Variants in PJA2 observed in about 807,000 individuals in gnomAD.
PJA2 encodes the protein praja ring finger ubiquitin ligase 2, also known as E3 ubiquitin-protein ligase Praja-2.
Under a neutral mutation model 69.3 loss-of-function variants are expected in PJA2, and 25 were observed. The ratio of observed to expected loss-of-function variants is 0.36; its 90% CI spans 0.26 to 0.50. PJA2 has a LOEUF of 0.50. Among genes scored for constraint, PJA2 ranks in the 20% least tolerant of loss-of-function variants. The pLI, the probability that PJA2 is intolerant of heterozygous loss-of-function variation, is 0.96. For missense variants in PJA2, 809 were observed against 830.2 expected, an observed-to-expected ratio of 0.97 and a Z score of 0.31; for synonymous variants, 308 against 277.8, an observed-to-expected ratio of 1.11 and a Z score of -1.08.
chr5:109,404,889 G>C (rs1194315671), intron 1 of PJA2, among the ~76,000 whole-genome samples: 1 of 152,220 alleles, frequency 6.6e-6, no homozygotes, highest in African/African-American at 2.4e-5. Flanking sequence ...ATCAGGAACA[G>C]AGAAGGATAT....
rs75934186 is a variant in PJA2, at chr5:109,360,730, G to A, written c.1652+2110C>T. Among the ~76,000 whole-genome samples, 46 of 152,098 alleles carry A rather than the reference G, an allele frequency of 3.0e-4. No individual in the cohort carries two copies. In the East Asian group the frequency reaches 7.5e-3, roughly 25 times the overall value. ...AACTATTTGAAGCTCTGGACATTTC[G>A]GGACCACTAGTAAGGTTTCTAAAAC... On this transcript the variant is annotated intron_variant, in intron 6 of 9. Coordinates refer to ENST00000361189, the MANE Select transcript of PJA2 (RefSeq NM_014819.5).
At chr5:109,379,421 T>C (rs914586775) in intron 3 of PJA2, among the ~76,000 whole-genome samples, 167 bp from the exon 4 acceptor site, 1 of 152,234 alleles carries the variant, frequency 6.6e-6, no homozygotes, top group Non-Finnish European at 1.5e-5. Context: ...TGCAGACTGA[T>C]TACTCTATGA....
At position 109,337,285 on chromosome 5, in the gene PJA2, A is replaced by T; in HGVS notation, c.2073T>A (p.Ser691=). The T allele has an allele frequency of 6.2e-7, 1 of 1,613,866 alleles. No homozygotes were observed. The highest frequency in any genetic ancestry group is 8.5e-7 in the Non-Finnish European group (1 of 1,179,946). ...AAGGTGGGGCATCAGGATCAGGCTCAGAGGAAGGAGCTGCAGATGCTTCAA... is the reference window on the plus strand; with the variant it reads ...AAGGTGGGGCATCAGGATCAGGCTCTGAGGAAGGAGCTGCAGATGCTTCAA... ...AVIEASAAPS[S]EPDPDAPPSN... is the part of the protein sequence containing the mutation. Residue 691 remains serine, a synonymous_variant, in exon 10 of 10, where the codon TCT becomes TCA. Transcript: ENST00000361189.
intron 1 of PJA2, among the ~76,000 whole-genome samples, chr5:109,385,420 T>G (rs1424736718): frequency 5.9e-5 from 9 of 152,202 alleles, no homozygotes; most frequent in Admixed American, 3.9e-4. Context: ...GACTCCAGGT[T>G]TTACAGGCTG....
rs147032810 is a variant in PJA2 at position 109,369,830 on chromosome 5, C to T, written c.1284-1084G>A. On this transcript the variant is annotated intron_variant, in intron 4 of 9. Coordinates refer to ENST00000361189, the MANE Select transcript of PJA2 (RefSeq NM_014819.5). ...GGCAGATCACCTGAGGTCGGGAGTT[C>T]GAGAGCAGCCTGACCAACATAGAGA... 7.1e-3 allele frequency among the ~76,000 whole-genome samples: 1,083 copies of T among 152,122 alleles called. 11 individuals are homozygous for T. Among genetic ancestry groups the T allele is most frequent in the African/African-American group, 0.024 (1,001 of 41,506 alleles).
At chr5:109,374,889 T>C (rs1283363041) in intron 4 of PJA2, among the ~76,000 whole-genome samples, 1 of 152,148 alleles carries the variant, frequency 6.6e-6, no homozygotes, top group East Asian at 1.9e-4. Flanking sequence ...CCTCAAACAG[T>C]TACTAAACTT....
chr5:109,402,937 A>C (rs1747585321), intron 1 of PJA2, among the ~76,000 whole-genome samples: 1 of 152,116 alleles, frequency 6.6e-6, no homozygotes, highest in Non-Finnish European at 1.5e-5. Flanking sequence ...TTGGAAGGAA[A>C]AGAAAAAAGG....
chr5:109,375,104 T>C (rs1228041071), intron 4 of PJA2, among the ~76,000 whole-genome samples: 1 of 152,226 alleles, frequency 6.6e-6, no homozygotes, highest in Non-Finnish European at 1.5e-5. Flanking sequence ...TGTGATTAAA[T>C]GATCATTTAG....
At chr5:109,350,577 T>C (rs887586955) in intron 7 of PJA2, among the ~76,000 whole-genome samples, 3 of 152,204 alleles carry the variant, frequency 2.0e-5, no homozygotes, top group East Asian at 1.9e-4. Context: ...TATATGAATA[T>C]ACTATTTACT....
intron 7 of PJA2, among the ~76,000 whole-genome samples, chr5:109,351,789 T>C (rs544153191): frequency 9.0e-4 from 137 of 152,246 alleles, no homozygotes; most frequent in South Asian, 4.1e-3. Context: ...CAAAAAGTTA[T>C]AGGGCTGCTT....
intron 1 of PJA2, among the ~76,000 whole-genome samples, chr5:109,384,396 A>G (rs1747115495): frequency 6.6e-6 from 1 of 152,260 alleles, no homozygotes; most frequent in Non-Finnish European, 1.5e-5. Flanking sequence ...ACTACAATTT[A>G]TCATGGAACA....
chr5:109,398,398 T>TG (rs1418125080), intron 1 of PJA2, among the ~76,000 whole-genome samples: 6 of 152,074 alleles, frequency 3.9e-5, no homozygotes, highest in Non-Finnish European at 8.8e-5. Flanking sequence ...AATGATAGAC[T>TG]GGATTAAGAA....
intron 5 of PJA2, 92 bp from the exon 6 acceptor site, chr5:109,363,114 T>A: frequency 9.1e-7 from 1 of 1,100,868 alleles, no homozygotes; most frequent in Non-Finnish European, 1.3e-6. Context: ...GTGGATTCTG[T>A]TGAGTTCTAA....
intron 7 of PJA2, among the ~76,000 whole-genome samples, chr5:109,349,540 C>A (rs1465174867): frequency 8.5e-5 from 13 of 152,184 alleles, no homozygotes. Context: ...TTCTGCAGTA[C>A]AGCACTTCCA....
intron 7 of PJA2, among the ~76,000 whole-genome samples, chr5:109,352,485 C>T (rs1762269875): frequency 1.3e-5 from 2 of 152,052 alleles, no homozygotes; most frequent in Admixed American, 1.3e-4. Flanking sequence ...TGCAAGTTAC[C>T]ATGCTATACC....
At chr5:109,369,035 C>A (rs897359763) in intron 4 of PJA2, among the ~76,000 whole-genome samples, 1 of 152,094 alleles carries the variant, frequency 6.6e-6, no homozygotes, top group Non-Finnish European at 1.5e-5. Context: ...TTTCTTACAC[C>A]TGCTCCTGCC....
At chr5:109,379,394 T>G (rs115797982) in intron 3 of PJA2, 140 bp from the exon 4 acceptor site, 7,556 of 656,878 alleles carry the variant, frequency 0.012, 76 homozygotes, top group Non-Finnish European at 0.014. Context: ...AGCACTTCTA[T>G]GCTCCTTAAC....
At chr5:109,397,820 G>A (rs1237866102) in intron 1 of PJA2, among the ~76,000 whole-genome samples, 7 of 152,050 alleles carry the variant, frequency 4.6e-5, no homozygotes, top group Admixed American at 2.0e-4. Flanking sequence ...CACGGTGAAC[G>A]GCCAACAACA....
At chr5:109,367,573 C>CA (rs56081115) in intron 5 of PJA2, among the ~76,000 whole-genome samples, 152,297 of 152,298 alleles carry the variant, frequency 1, 76,148 homozygotes, top group Non-Finnish European at 1. Context: ...GCAACAGATG[C>CA]AAGGACAAAA....
Sources: gnomAD v4.1 joint callset for allele counts (sites outside exome capture counted in the v4.1 genomes callset) on GRCh38, gnomAD v4.1.1 for gene constraint, MANE v1.5 for transcripts, NCBI Gene and HGNC (gene_info 2026-07-23, HGNC 2026-07-21) for gene names.